The following TNRC18 variants were observed in gnomAD, a reference collection of about 807,000 sequenced individuals.
The protein encoded by TNRC18 is trinucleotide repeat-containing gene 18 protein.
Under a neutral mutation model 226.7 loss-of-function variants are expected in TNRC18, and 69 were observed. The observed-to-expected ratio is 0.30, with a 90% CI of 0.25 to 0.37. TNRC18 has a LOEUF of 0.37. TNRC18 is among the 10% of genes least tolerant of loss of function. The probability of loss-of-function intolerance (pLI) is 1.00; values close to 1 mark genes in which losing one functional copy is unlikely to be tolerated. For synonymous variants in TNRC18, 2,449 were observed against 1,927.6 expected, an observed-to-expected ratio of 1.27 and a Z score of -7.09; for missense variants, 4,754 against 4,256.6, an observed-to-expected ratio of 1.12 and a Z score of -3.25.
Position 5,320,407 on chromosome 7 carries a change from G to C in TNRC18, c.6656C>G (p.Ala2219Gly). The C allele has an allele frequency of 1.9e-6, 3 of 1,562,154 alleles. No homozygotes were observed. Among genetic ancestry groups the C allele is most frequent in the Non-Finnish European group, 2.6e-6 (3 of 1,153,106 alleles). Residue 2219 changes from alanine (A) to glycine (G), a missense_variant, in exon 24 of 30, where the codon GCC (alanine) becomes GGC (glycine). By Grantham distance (60) the Ala-to-Gly change is moderately conservative (BLOSUM62 0). Transcript: ENST00000430969. ...CCCTTGTGGCAAGAAGCGAGTGGAG[G>C]CTGGCCTCACATCGATGATCTAGAA... Reference protein sequence around the residue: ...LQEAIIDVRPASTRFLPQGTR... With the variant: ...LQEAIIDVRPGSTRFLPQGTR...
Position 5,332,809 on chromosome 7 carries a change from T to C in TNRC18, c.5960A>G (p.Glu1987Gly). ...CGTCCACAGGTCGTCGTCGCTGGCC[T>C]CGGGCCCCGCCTCGAAGCCAGGCTC... ...PKEPGFEAGP[E>G]ASDDDLWTRR... The change falls in exon 19 of 30, where the codon GAG becomes GGG. Residue 1987 changes from glutamate to glycine, a missense_variant. Coordinates refer to ENST00000430969, the MANE Select transcript of TNRC18 (RefSeq NM_001080495.3). 1 of 1,509,638 alleles carries C rather than the reference T, an allele frequency of 6.6e-7. No individual in the cohort carries two copies. The allele number at this position is 1,509,638 out of a possible 1,614,324, so 93.5% of individuals were successfully genotyped here.
At chr7:5,383,839 C>T (rs1243063559) in intron 5 of TNRC18, among the ~76,000 whole-genome samples, 1 of 152,078 alleles carries the variant, frequency 6.6e-6, no homozygotes, top group Non-Finnish European at 1.5e-5. Flanking sequence ...GTTGCCCAGA[C>T]TGGAGCGCAG....
intron 19 of TNRC18, among the ~76,000 whole-genome samples, chr7:5,330,447 T>C (rs1238565024): frequency 1.3e-5 from 2 of 151,496 alleles, no homozygotes; most frequent in Non-Finnish European, 2.9e-5. Flanking sequence ...GGTCTTGCTG[T>C]GTTGCCCAGG....
chr7:5,417,589 A>C lies in TNRC18; in HGVS notation c.187+3471T>G, dbSNP rs891452621. On this transcript the variant is annotated intron_variant, in intron 2 of 29. Coordinates refer to ENST00000430969, the MANE Select transcript of TNRC18 (RefSeq NM_001080495.3). ...GCAGAGACTTCTGTCTGTTGGGTTCACTGCCGCATTCCTGGGACCCGAGCG... is the reference window on the plus strand; with the variant it reads ...GCAGAGACTTCTGTCTGTTGGGTTCCCTGCCGCATTCCTGGGACCCGAGCG... Among the ~76,000 whole-genome samples the C allele has an allele frequency of 1.2e-4, 19 of 152,360 alleles. No individual in the cohort carries two copies. The East Asian group carries it at 2.7e-3, about 22-fold the overall frequency.
chr7:5,351,154 A>C (rs1791764009), intron 17 of TNRC18, among the ~76,000 whole-genome samples: 1 of 151,984 alleles, frequency 6.6e-6, no homozygotes, highest in Admixed American at 6.6e-5. Flanking sequence ...GGCAAGCGGC[A>C]GGCGGCACGG....
In TNRC18 at chr7:5,371,288, C is replaced by T. The variant is rs763913483; in HGVS notation, c.3306G>A (p.Thr1102=). The change falls in exon 11 of 30, where the codon ACG becomes ACA. Residue 1102 remains threonine, a synonymous_variant. Transcript: ENST00000430969. ...GRPYPFLLQP[T]AAADADGLAP... The stretch of plus-strand genomic sequence containing the variant: ...CCAAGCCGTCCGCGTCGGCGGCGGC[C>T]GTGGGCTGCAGCAGGAAAGGGTAGG... 22 of 1,576,430 alleles carry T rather than the reference C, an allele frequency of 1.4e-5. No homozygotes were observed. Among genetic ancestry groups the T allele is most frequent in the South Asian group, 2.3e-5 (2 of 87,372 alleles).
Position 5,324,439 on chromosome 7 carries a change from G to A in TNRC18, c.6301-84C>T. On this transcript the variant is annotated intron_variant, in intron 20 of 29. Coordinates refer to ENST00000430969, the MANE Select transcript of TNRC18 (RefSeq NM_001080495.3). The surrounding 1 kb of genome is among the most constrained non-coding windows in gnomAD (Gnocchi z 4.8). ...TGGGGACCCTCTCTGGAAACCTGGA[G>A]CCACAGTCAGGCCGCAGGGGGAATC... 3.9e-6 allele frequency: 6 copies of A among 1,542,462 alleles called. No individual in the cohort carries two copies. Among genetic ancestry groups the A allele is most frequent in the South Asian group, 1.2e-5 (1 of 85,590 alleles).
chr7:5,373,588 A>G (rs1407759220), intron 10 of TNRC18, among the ~76,000 whole-genome samples: 4 of 152,154 alleles, frequency 2.6e-5, no homozygotes, highest in Non-Finnish European at 5.9e-5. Flanking sequence ...GATACCCCCC[A>G]GGGAGGAAGA....
In TNRC18 at chr7:5,371,261, G is replaced by T. The variant is rs921550789; in HGVS notation, c.3333C>A (p.Ala1111=). The stretch of plus-strand genomic sequence containing the variant: ...CATCAGCCGGGAGCGGCACATCAGG[G>T]GCCAAGCCGTCCGCGTCGGCGGCGG... ...PTAAADADGL[A]PDVPLPADGP... Residue 1111 remains alanine, a synonymous_variant, in exon 11 of 30, where the codon GCC becomes GCA. Transcript: ENST00000430969. The T allele has an allele frequency of 6.3e-7, 1 of 1,598,102 alleles. No individual in the cohort carries two copies. Among genetic ancestry groups the T allele is most frequent in the African/African-American group, 1.3e-5 (1 of 74,710 alleles).
intron 5 of TNRC18, among the ~76,000 whole-genome samples, chr7:5,384,141 T>C (rs1779590442): frequency 6.6e-6 from 1 of 152,054 alleles, no homozygotes; most frequent in South Asian, 2.1e-4. Flanking sequence ...ATATTGTATT[T>C]TTAGTTAGTA....
rs901563625 is a variant in TNRC18, at chr7:5,388,799, G to A, written c.1025C>T (p.Pro342Leu). 1 of 1,200,336 alleles carries A rather than the reference G, an allele frequency of 8.3e-7. No individual in the cohort carries two copies. Among genetic ancestry groups the A allele is most frequent in the Non-Finnish European group, 1.0e-6 (1 of 966,674 alleles). 74.4% of individuals were successfully genotyped at this position (1,200,336 alleles called of 1,614,324 possible). A position where few individuals can be genotyped will look rare whatever the true frequency, so the allele number is the denominator to read the frequency against. Residue 342 changes from proline (P) to leucine (L), a missense_variant, in exon 5 of 30, where the codon CCC (proline) becomes CTC (leucine). By Grantham distance (98) the Pro-to-Leu change is moderately conservative. Coordinates refer to ENST00000430969, the MANE Select transcript of TNRC18 (RefSeq NM_001080495.3). ...CGCGGGGGGTGCAGGAGGCCCCTTGGGGGGCGCGGGCGGCGGGGGCAGCGG... is the reference window on the plus strand; with the variant it reads ...CGCGGGGGGTGCAGGAGGCCCCTTGAGGGGCGCGGGCGGCGGGGGCAGCGG... ...PSPLPPPPAP[P>L]KGPPAPPAAT...
chr7:5,373,981 A>G, intron 10 of TNRC18, 74 bp downstream of exon 10: 1 of 1,222,026 alleles, frequency 8.2e-7, no homozygotes, highest in Non-Finnish European at 1.1e-6. Flanking sequence ...CGAACGGGTC[A>G]ATGAAAAGAT....
chr7:5,423,278 C>T (rs966647794), intron 1 of TNRC18, among the ~76,000 whole-genome samples, 163 bp downstream of exon 1: 24 of 152,124 alleles, frequency 1.6e-4, no homozygotes, highest in African/African-American at 5.5e-4. Context: ...CGGGGCGCCC[C>T]CTCCCCGCCG....
At chr7:5,310,640 T>C (rs1308355484) in intron 27 of TNRC18, among the ~76,000 whole-genome samples, 2 of 152,170 alleles carry the variant, frequency 1.3e-5, no homozygotes, top group African/African-American at 2.4e-5. Context: ...GCTTAAGTGA[T>C]CCTCCCGCCT....
At chr7:5,356,093 G>T (rs1171836573) in intron 16 of TNRC18, among the ~76,000 whole-genome samples, 2 of 151,330 alleles carry the variant, frequency 1.3e-5, no homozygotes, top group African/African-American at 4.9e-5. Context: ...GAACCCAGGA[G>T]CTAGAAGTTG....
intron 11 of TNRC18, among the ~76,000 whole-genome samples, chr7:5,365,876 C>A (rs1793566231): frequency 6.6e-6 from 1 of 152,050 alleles, no homozygotes; most frequent in Non-Finnish European, 1.5e-5. Flanking sequence ...TCGAGACCAG[C>A]CTGACCAACA....
intron 15 of TNRC18, among the ~76,000 whole-genome samples, chr7:5,357,814 G>A (rs1475589714): frequency 3.3e-5 from 5 of 152,122 alleles, no homozygotes; most frequent in Non-Finnish European, 7.4e-5. Context: ...TAAAATGGGG[G>A]TACTTGTGTC....
chr7:5,325,025 G>GC, intron 20 of TNRC18, 71 bp downstream of exon 20: 2 of 1,481,580 alleles, frequency 1.3e-6, no homozygotes. Context: ...AGCAGGTGGA[G>GC]CCCCCTGCCC....
rs558488082 is a variant in TNRC18, at chr7:5,356,837, G to A, written c.5194+79C>T. 8.1e-5 allele frequency: 116 copies of A among 1,433,780 alleles called. 1 individual carries two copies. In the African/African-American group the frequency reaches 1.6e-3, roughly 19 times the overall value. 88.8% of individuals were successfully genotyped at this position (1,433,780 alleles called of 1,614,324 possible). A position where few individuals can be genotyped will look rare whatever the true frequency, so the allele number is the denominator to read the frequency against. ...GAGAGAGAGAGTGAGGGGCGGGGGG[G>A]GAAGGAGGACGGTGGAGAGAAGAGG... On this transcript the variant is annotated intron_variant, in intron 16 of 29. Transcript: ENST00000430969.
Sources: allele counts gnomAD v4.1 joint callset (sites outside exome capture counted in the v4.1 genomes callset), GRCh38; gene constraint gnomAD v4.1.1; non-coding constraint Gnocchi (gnomAD v3.1); transcripts MANE v1.5; gene names NCBI Gene and HGNC (gene_info 2026-07-23, HGNC 2026-07-21).